Variants in ZFAT observed in about 807,000 individuals in gnomAD.
The protein encoded by ZFAT is zinc finger and AT-hook domain containing, also known as zinc finger protein ZFAT.
Under a neutral mutation model 117.7 loss-of-function variants are expected in ZFAT, and 64 were observed. The ratio of observed to expected loss-of-function variants is 0.54; its 90% CI spans 0.44 to 0.67. The LOEUF (loss-of-function observed/expected upper bound fraction) is 0.67, where lower values mean the gene tolerates loss of function less well. Ranked by LOEUF, ZFAT falls within the 30% of genes least tolerant of loss-of-function variation. The probability of loss-of-function intolerance (pLI) is 0.00; values close to 1 mark genes in which losing one functional copy is unlikely to be tolerated. For synonymous variants in ZFAT, 679 were observed against 615.0 expected, an observed-to-expected ratio of 1.10 and a Z score of -1.54; for missense variants, 1,433 against 1,584.5, an observed-to-expected ratio of 0.90 and a Z score of 1.62.
In ZFAT at chr8:134,707,427, TA is replaced by T. The variant is rs78520406; in HGVS notation, c.19+5417del. Among the ~76,000 whole-genome samples, 109 of 149,500 alleles carry T rather than the reference TA, an allele frequency of 7.3e-4. No individual in the cohort carries two copies. The East Asian group carries it at 0.014, about 19-fold the overall frequency. The stretch of plus-strand genomic sequence containing the variant: ...GGTAAACTGATGACCAGCCTAATAG[TA>T]AAAAAAAAATTAATAAGCAATAATA... On this transcript the variant is annotated intron_variant, in intron 1 of 15. Transcript: ENST00000377838.
chr8:134,714,965 T>C (rs1378359431), upstream of ZFAT, among the ~76,000 whole-genome samples: 1 of 152,218 alleles, frequency 6.6e-6, no homozygotes, highest in Non-Finnish European at 1.5e-5. Context: ...TCAGAATCTT[T>C]ATTTGGAAAT....
At chr8:134,564,660 C>T (rs1231885788) in intron 11 of ZFAT, among the ~76,000 whole-genome samples, 7 of 152,116 alleles carry the variant, frequency 4.6e-5, no homozygotes, top group African/African-American at 1.4e-4. Flanking sequence ...TCCATGTGTG[C>T]CATGTGTGCC....
chr8:134,700,542 C>T (rs955669955), intron 1 of ZFAT, among the ~76,000 whole-genome samples: 2 of 152,182 alleles, frequency 1.3e-5, no homozygotes, highest in East Asian at 1.9e-4. Context: ...CCCCAGTGCT[C>T]GGCAGCTCAG....
the ZFAT span, among the ~76,000 whole-genome samples, chr8:134,772,239 C>T: frequency 1.8e-4 from 28 of 152,314 alleles, 1 homozygote; most frequent in African/African-American, 5.1e-4. Flanking sequence ...TTAAGCTCAA[C>T]GAGAAAGACA....
At chr8:134,754,970 G>C in the ZFAT span, among the ~76,000 whole-genome samples, 1 of 152,208 alleles carries the variant, frequency 6.6e-6, no homozygotes, top group Non-Finnish European at 1.5e-5. Context: ...CTCGGAGATA[G>C]GGCAAAAATC....
intron 7 of ZFAT, among the ~76,000 whole-genome samples, chr8:134,595,064 C>T (rs754937793): frequency 6.6e-6 from 1 of 152,170 alleles, no homozygotes; most frequent in East Asian, 1.9e-4. Flanking sequence ...CCCCATGAGA[C>T]TCTGACTGAG....
At chr8:134,612,029 C>T (rs1828373427) in intron 3 of ZFAT, among the ~76,000 whole-genome samples, 1 of 152,190 alleles carries the variant, frequency 6.6e-6, no homozygotes. Flanking sequence ...TGAGAGCCAT[C>T]TCTTGAATGT....
At chr8:134,589,457 C>T (rs543609120) in intron 8 of ZFAT, among the ~76,000 whole-genome samples, 8 of 152,330 alleles carry the variant, frequency 5.3e-5, no homozygotes, top group East Asian at 3.9e-4. Flanking sequence ...GAGACATGTA[C>T]GAAGGGAGAG....
chr8:134,610,319 A>C (rs1432643628), intron 4 of ZFAT, 151 bp downstream of exon 4: 2 of 856,816 alleles, frequency 2.3e-6, no homozygotes, highest in South Asian at 1.9e-5. Flanking sequence ...GGCAGTAAGT[A>C]AGTCTCATCC....
the ZFAT span, among the ~76,000 whole-genome samples, chr8:134,721,606 G>A: frequency 1.3e-5 from 2 of 152,182 alleles, no homozygotes; most frequent in Middle Eastern, 3.2e-3. Flanking sequence ...CTCTGCATGT[G>A]TCTAGAACAT....
intron 3 of ZFAT, among the ~76,000 whole-genome samples, chr8:134,620,438 G>A (rs1829034955): frequency 6.6e-6 from 1 of 152,148 alleles, no homozygotes. Context: ...CTGCTGCTCT[G>A]GCCTGGCATC....
chr8:134,529,177 C>G (rs1331005186), intron 12 of ZFAT, among the ~76,000 whole-genome samples: 1 of 152,122 alleles, frequency 6.6e-6, no homozygotes, highest in Non-Finnish European at 1.5e-5. Flanking sequence ...TGTGGTCATT[C>G]CAATAACCTA....
intron 1 of ZFAT, among the ~76,000 whole-genome samples, chr8:134,659,350 G>A (rs920670561): frequency 2.4e-4 from 36 of 152,188 alleles, no homozygotes; most frequent in Non-Finnish European, 3.7e-4. Flanking sequence ...GGGACACAAG[G>A]TGTGCGGGTG....
intron 1 of ZFAT, among the ~76,000 whole-genome samples, chr8:134,667,823 C>T (rs190106797): frequency 3.7e-4 from 56 of 152,202 alleles, no homozygotes; most frequent in Non-Finnish European, 3.8e-4. Flanking sequence ...TCACCTCACC[C>T]GGGAAGTAAG....
At chr8:134,681,897 T>C (rs1342857153) in intron 1 of ZFAT, among the ~76,000 whole-genome samples, 1 of 152,234 alleles carries the variant, frequency 6.6e-6, no homozygotes, top group African/African-American at 2.4e-5. Flanking sequence ...AAGTCTCATA[T>C]GTGCAGCTGA....
chr8:134,503,773 G>T (rs1208399778), intron 15 of ZFAT, among the ~76,000 whole-genome samples: 1 of 152,058 alleles, frequency 6.6e-6, no homozygotes, highest in African/African-American at 2.4e-5. Flanking sequence ...CTGAAACACT[G>T]GCCCTTCCTG....
the ZFAT span, among the ~76,000 whole-genome samples, chr8:134,719,822 C>A: frequency 6.6e-6 from 1 of 152,116 alleles, no homozygotes; most frequent in African/African-American, 2.4e-5. Flanking sequence ...TGGTGCCAGG[C>A]AAATGTTCAC....
the ZFAT span, among the ~76,000 whole-genome samples, chr8:134,755,987 C>A: frequency 1.3e-5 from 2 of 152,038 alleles, no homozygotes; most frequent in South Asian, 4.1e-4. Flanking sequence ...CAAATGTTGA[C>A]TTCACTTTCT....
intron 3 of ZFAT, 152 bp from the exon 4 acceptor site, chr8:134,610,807 GT>G: frequency 9.5e-6 from 8 of 839,288 alleles, no homozygotes; most frequent in Admixed American, 8.5e-5. Flanking sequence ...AGGTACCACG[GT>G]GGCTCTTCAC....
Sources: allele counts gnomAD v4.1 joint callset (sites outside exome capture counted in the v4.1 genomes callset), GRCh38; gene constraint gnomAD v4.1.1; transcripts MANE v1.5; gene names NCBI Gene and HGNC (gene_info 2026-07-23, HGNC 2026-07-21).